CPO: variants seen among roughly 807,000 people sequenced by gnomAD.
The protein encoded by CPO is metallocarboxypeptidase C.
Under a neutral mutation model 41.2 loss-of-function variants are expected in CPO, and 43 were observed. The ratio of observed to expected loss-of-function variants is 1.04; its 90% confidence interval spans 0.82 to 1.35. The LOEUF (loss-of-function observed/expected upper bound fraction) is 1.35. Ranked by LOEUF, CPO falls within the 40% of genes most tolerant of loss-of-function variation. The pLI, the probability that CPO is intolerant of heterozygous loss-of-function variation, is 0.00. For missense variants in CPO, 408 were observed against 451.7 expected (o/e 0.90, Z 0.88); for synonymous variants, 178 against 162.7 (o/e 1.09, Z -0.72).
At chr2:206,958,219 G>T in intron 3 of CPO, 82 bp from the exon 4 acceptor site, 1 of 715,904 alleles carries the variant, frequency 1.4e-6, no homozygotes, top group South Asian at 2.3e-5. Context: ...ACCTCTAGGG[G>T]AATTAAAAAT....
intron 2 of CPO, among the ~76,000 whole-genome samples, chr2:206,952,636 A>G (rs950179767): frequency 6.6e-6 from 1 of 152,184 alleles, no homozygotes; most frequent in Admixed American, 6.5e-5. Flanking sequence ...ATCAGCTGCT[A>G]TTCAGGTCTA....
rs71308459 is a variant in CPO, at chr2:206,950,404, C to T, written c.165+691C>T. 2.0e-3 allele frequency among the ~76,000 whole-genome samples: 308 copies of T among 152,090 alleles called. 1 individual carries two copies. The highest frequency in any genetic ancestry group is 6.6e-3 in the African/African-American group (275 of 41,486). ...AAATACCATCTCACGTCTAGAATGG[C>T]GATCATTAAAAAGTCAGAAAACAAC... On this transcript the variant is annotated intron_variant, in intron 2 of 8. Coordinates refer to ENST00000272852, the MANE Select transcript of CPO (RefSeq NM_173077.3).
At chr2:206,968,861 C>T (rs1693631374) in intron 8 of CPO, among the ~76,000 whole-genome samples, 1 of 152,172 alleles carries the variant, frequency 6.6e-6, no homozygotes, top group Admixed American at 6.5e-5. Flanking sequence ...CTTTAAATGA[C>T]TCAGTTCACT....
In CPO at chr2:206,962,542, G is replaced by A. The variant is rs2105828198; in HGVS notation, c.705G>A (p.Met235Ile). 3 of 1,614,064 alleles carry A rather than the reference G, an allele frequency of 1.9e-6. No individual in the cohort carries two copies. Among genetic ancestry groups the A allele is most frequent in the Non-Finnish European group, 2.5e-6 (3 of 1,179,968 alleles). Reference protein sequence around the residue: ...KKDDILCFLTMHSYGQLILTP... With the variant: ...KKDDILCFLTIHSYGQLILTP... Reference sequence around the variant, plus strand: ...ATGATATTTTGTGCTTCCTGACCATGCACTCTTATGGGCAGTTAATTCTCA... The same window carrying A: ...ATGATATTTTGTGCTTCCTGACCATACACTCTTATGGGCAGTTAATTCTCA... The change falls in exon 7 of 9, where the codon ATG becomes ATA. Residue 235 changes from methionine (M) to isoleucine (I), a missense_variant. By Grantham distance (10) the Met-to-Ile change is conservative. Coordinates refer to ENST00000272852, the MANE Select transcript of CPO (RefSeq NM_173077.3).
chr2:206,952,006 GAGTA>G (rs1234045998), intron 2 of CPO, among the ~76,000 whole-genome samples: 1 of 152,120 alleles, frequency 6.6e-6, no homozygotes, highest in African/African-American at 2.4e-5. Context: ...ACCCTCACTT[GAGTA>G]AGTATTACTA....
At chr2:206,955,414 T>G (rs1693338840) in intron 2 of CPO, 49 bp from the exon 3 acceptor site, 1 of 1,044,804 alleles carries the variant, frequency 9.6e-7, no homozygotes, top group Admixed American at 1.7e-5. Flanking sequence ...ATCAGAGGCA[T>G]GCAAACAATC....
rs13397039 is a variant in CPO, at chr2:206,960,932, A to T, written c.564A>T (p.Ala188=). Residue 188 remains alanine, a synonymous_variant, in exon 6 of 9, where the codon GCA becomes GCT. Coordinates refer to ENST00000272852, the MANE Select transcript of CPO (RefSeq NM_173077.3). ...CGGATCTCAATCGAAATTTCAATGC[A>T]TCTTGGTGTAGTAAGTACATGCTTA... ...FGTDLNRNFN[A]SWCSIGASRN... is the part of the protein sequence containing the mutation. 0.46 allele frequency: 735,127 copies of T among 1,600,538 alleles called. 172,959 individuals carry two copies. Among genetic ancestry groups the T allele is most frequent in the Non-Finnish European group, 0.49 (567,735 of 1,167,832 alleles).
Position 206,969,440 on chromosome 2 carries a change from C to T in CPO, c.*4C>T. 6.2e-7 allele frequency: 1 copy of T among 1,613,876 alleles called. No individual in the cohort carries two copies. Among genetic ancestry groups the T allele is most frequent in the Non-Finnish European group, 8.5e-7 (1 of 1,179,828 alleles). On this transcript the variant is annotated 3_prime_UTR_variant, in exon 9 of 9. Coordinates refer to ENST00000272852, the MANE Select transcript of CPO (RefSeq NM_173077.3). ...GTCCTGCATGTCTCTTCTCTAAGTG[C>T]ATTCTGCCCAGGCCTGCTCAACCCC...
intron 1 of CPO, among the ~76,000 whole-genome samples, chr2:206,948,452 G>C (rs1693187389): frequency 2.0e-5 from 3 of 152,198 alleles, no homozygotes; most frequent in Admixed American, 2.0e-4. Flanking sequence ...GAAGAATGCA[G>C]AGGATTTCTA....
rs1204276358 is a variant in CPO at position 206,969,315 on chromosome 2, A to C, written c.1004A>C (p.Glu335Ala). 1.9e-6 allele frequency: 3 copies of C among 1,613,938 alleles called. No individual in the cohort carries two copies. The highest frequency in any genetic ancestry group is 1.3e-5 in the African/African-American group (1 of 74,910). ...CAGCCCACCTGTGAGGAGACCATGG[A>C]GGCTGTGCTGTCAGTCCTGGATGAT... ...QIQPTCEETMEAVLSVLDDVY... is the reference protein window; with the variant it reads ...QIQPTCEETMAAVLSVLDDVY... Residue 335 changes from glutamate (E) to alanine (A), a missense_variant, in exon 9 of 9, where the codon GAG (glutamate) becomes GCG (alanine). By Grantham distance (107) the Glu-to-Ala change is moderately radical (BLOSUM62 -1). Transcript: ENST00000272852.
chr2:206,959,802 TTTTTCCAATG>T, intron 5 of CPO, 61 bp downstream of exon 5: 1 of 767,522 alleles, frequency 1.3e-6, no homozygotes, highest in South Asian at 1.6e-5. Flanking sequence ...TTCAGGTTAA[TTTTTCCAATG>T]TTATCCATTC....
rs1693638111 is a variant in CPO at position 206,969,185 on chromosome 2, G to A, written c.874G>A (p.Gly292Arg). The change falls in exon 9 of 9, where the codon GGG (glycine) becomes AGG (arginine). Residue 292 changes from glycine to arginine, a missense_variant. Physicochemically the swap from Gly to Arg is moderately radical, Grantham distance 125. Transcript: ENST00000272852. Reference sequence around the variant, plus strand: ...GTTTTCACCTGTAGATGCCTCATCAGGGTCTTCAAGAGATTGGGCCCGAGA... The same window carrying A: ...GTTTTCACCTGTAGATGCCTCATCAAGGTCTTCAAGAGATTGGGCCCGAGA... The part of the protein sequence containing the change: ...SSADILYASS[G>R]SSRDWARDIG... 1.2e-6 allele frequency: 2 copies of A among 1,614,110 alleles called. No homozygotes were observed. The highest frequency in any genetic ancestry group is 1.7e-5 in the Admixed American group (1 of 60,030).
Position 206,950,080 on chromosome 2 carries a change from G to A in CPO, c.165+367G>A, listed in dbSNP as rs867057669. Among the ~76,000 whole-genome samples, 13 of 152,280 alleles carry A rather than the reference G, an allele frequency of 8.5e-5. No homozygotes were observed. In the South Asian group the frequency reaches 1.2e-3, roughly 15 times the overall value. ...GTTTATATGGGTGTGAGGTGGAGAA[G>A]CCTTCTGATTGAATCATATTTAGCT... On this transcript the variant is annotated intron_variant, in intron 2 of 8. Coordinates refer to ENST00000272852, the MANE Select transcript of CPO (RefSeq NM_173077.3).
At chr2:206,949,028 A>G (rs1427157502) in intron 1 of CPO, among the ~76,000 whole-genome samples, 2 of 151,890 alleles carry the variant, frequency 1.3e-5, no homozygotes, top group African/African-American at 4.8e-5. Flanking sequence ...TGAACCTAAA[A>G]GTGTGCTAAA....
intron 1 of CPO, 71 bp from the exon 2 acceptor site, chr2:206,949,546 C>A: frequency 1.8e-6 from 2 of 1,139,090 alleles, no homozygotes; most frequent in Non-Finnish European, 1.3e-6. Context: ...CTACCTTTTT[C>A]AACAACCCGC....
chr2:206,959,210 A>G (rs1304057292), intron 4 of CPO, among the ~76,000 whole-genome samples: 1 of 152,226 alleles, frequency 6.6e-6, no homozygotes, highest in Non-Finnish European at 1.5e-5. Flanking sequence ...AATATAGAAT[A>G]CTTTCTTGGT....
chr2:206,969,452 GC>G lies in CPO; in HGVS notation c.*18del. The G allele has an allele frequency of 6.2e-7, 1 of 1,612,820 alleles. No homozygotes were observed. The highest frequency in any genetic ancestry group is 1.3e-5 in the African/African-American group (1 of 75,018). ...TCTTCTCTAAGTGCATTCTGCCCAGGCCTGCTCAACCCCAGTGGCATGAGTG... is the reference window on the plus strand; with the variant it reads ...TCTTCTCTAAGTGCATTCTGCCCAGGCTGCTCAACCCCAGTGGCATGAGTG... On this transcript the variant is annotated 3_prime_UTR_variant, in exon 9 of 9. Coordinates refer to ENST00000272852, the MANE Select transcript of CPO (RefSeq NM_173077.3).
chr2:206,968,393 G>A (rs771064238), intron 8 of CPO, 46 bp downstream of exon 8: 1 of 1,100,972 alleles, frequency 9.1e-7, no homozygotes, highest in South Asian at 1.3e-5. Flanking sequence ...AGGCACAAAA[G>A]AAGTCAGTGG....
At chr2:206,952,348 C>T (rs1220718637) in intron 2 of CPO, among the ~76,000 whole-genome samples, 1 of 151,996 alleles carries the variant, frequency 6.6e-6, no homozygotes. Flanking sequence ...CTCCTGACCT[C>T]GTGATCCACC....
Sources: gnomAD v4.1 joint callset for allele counts (sites outside exome capture counted in the v4.1 genomes callset) on GRCh38, gnomAD v4.1.1 for gene constraint, MANE v1.5 for transcripts, NCBI Gene and HGNC (gene_info 2026-07-23, HGNC 2026-07-21) for gene names.